ANXA8: variants seen among roughly 807,000 people sequenced by gnomAD.
ANXA8 encodes the protein annexin A8, also known as VAC-beta.
A neutral mutation model predicts 26.8 loss-of-function variants in ANXA8; 9 were observed. That is an observed-to-expected ratio of 0.34 (90% CI 0.20 to 0.59). The LOEUF (loss-of-function observed/expected upper bound fraction) is 0.59. Ranked by LOEUF, ANXA8 falls within the 20% of genes least tolerant of loss-of-function variation. ANXA8 has a pLI of 0.84. For missense variants in ANXA8, 83 were observed against 238.5 expected, an observed-to-expected ratio of 0.35 and a Z score of 4.29; for synonymous variants, 39 against 94.8, an observed-to-expected ratio of 0.41 and a Z score of 3.42.
the ANXA8 span, among the ~76,000 whole-genome samples, chr10:47,644,313 G>C: frequency 6.7e-6 from 1 of 150,184 alleles, no homozygotes; most frequent in Non-Finnish European, 1.5e-5. Context: ...CGCTAAATTT[G>C]TTTTTAGGCA....
the ANXA8 span, among the ~76,000 whole-genome samples, chr10:47,735,055 C>T: frequency 1.3e-5 from 2 of 148,532 alleles, no homozygotes; most frequent in African/African-American, 2.5e-5. Context: ...AAAAAAAAAA[C>T]GTTTTCCTTT....
the ANXA8 span, among the ~76,000 whole-genome samples, chr10:47,733,225 T>TTCTTTCTCTTTCTCTCTCTCTC: frequency 1.7e-5 from 1 of 58,370 alleles, no homozygotes; most frequent in African/African-American, 5.9e-5. Context: ...TTCTTTCTCT[T>TTCTTTCTCTTTCTCTCTCTCTC]TCTTTCTCTC....
chr10:47,669,398 C>CTTT, the ANXA8 span, among the ~76,000 whole-genome samples: 1 of 150,612 alleles, frequency 6.6e-6, no homozygotes, highest in Non-Finnish European at 1.5e-5. Context: ...TGCTTTCTAG[C>CTTT]TTTTAAGTTT....
the ANXA8 span, among the ~76,000 whole-genome samples, chr10:47,599,013 G>GA: frequency 3.5e-5 from 5 of 144,248 alleles, no homozygotes; most frequent in African/African-American, 7.8e-5. Context: ...ATACATGAAT[G>GA]AAAAATAGCT....
the ANXA8 span, among the ~76,000 whole-genome samples, chr10:47,771,620 C>A: frequency 6.7e-6 from 1 of 150,234 alleles, no homozygotes; most frequent in African/African-American, 2.5e-5. Flanking sequence ...TCTTGTTGCC[C>A]GGGCTGGAGT....
the ANXA8 span, among the ~76,000 whole-genome samples, chr10:47,731,057 CAT>C: frequency 6.6e-6 from 1 of 150,550 alleles, no homozygotes; most frequent in Admixed American, 6.6e-5. Flanking sequence ...TACCAGCAAA[CAT>C]GTAGCAATCT....
At chr10:47,952,715 G>T in the ANXA8 span, among the ~76,000 whole-genome samples, 1 of 147,402 alleles carries the variant, frequency 6.8e-6, no homozygotes, top group Non-Finnish European at 1.5e-5. Flanking sequence ...TGAATGTTGA[G>T]GACTTATCTA....
the ANXA8 span, among the ~76,000 whole-genome samples, chr10:47,556,663 T>C: frequency 6.6e-6 from 1 of 151,908 alleles, no homozygotes; most frequent in Non-Finnish European, 1.5e-5. Flanking sequence ...GATATACACT[T>C]AGAGAAGACT....
chr10:47,699,871 A>G, the ANXA8 span, among the ~76,000 whole-genome samples: 1 of 151,860 alleles, frequency 6.6e-6, no homozygotes, highest in Admixed American at 6.6e-5. Flanking sequence ...CAATATACAC[A>G]AATAACAAAC....
the ANXA8 span, among the ~76,000 whole-genome samples, chr10:47,659,262 T>C: frequency 1.3e-5 from 2 of 151,880 alleles, no homozygotes; most frequent in Non-Finnish European, 2.9e-5. Context: ...CACTGCATTT[T>C]TCAGTAATAT....
the ANXA8 span, among the ~76,000 whole-genome samples, chr10:47,535,077 C>G: frequency 1.7e-5 from 2 of 119,698 alleles, 1 homozygote; most frequent in Non-Finnish European, 3.3e-5. Flanking sequence ...CAGGTTCCAG[C>G]GATTCTCCGG....
At chr10:47,509,871 G>A in the ANXA8 span, among the ~76,000 whole-genome samples, 18 of 132,706 alleles carry the variant, frequency 1.4e-4, 1 homozygote, top group Non-Finnish European at 1.6e-5. Context: ...GAAAAACTAA[G>A]TTTCCACAAA....
chr10:47,483,119 T>C (rs1432411412), intron 1 of ANXA8, among the ~76,000 whole-genome samples: 9 of 151,610 alleles, frequency 5.9e-5, no homozygotes, highest in Non-Finnish European at 7.4e-5. Context: ...GGCTCAACCA[T>C]AGATGGAAAG....
the ANXA8 span, among the ~76,000 whole-genome samples, chr10:47,666,291 GT>G: frequency 6.7e-6 from 1 of 148,420 alleles, no homozygotes; most frequent in Non-Finnish European, 1.5e-5. Context: ...TCAAATAAAC[GT>G]TTCAAGATCA....
chr10:47,726,860 G>A, the ANXA8 span: 955 of 1,538,224 alleles, frequency 6.2e-4, no homozygotes, highest in East Asian at 3.6e-3. Flanking sequence ...AATGACTGCC[G>A]TTGATGGAAG....
chr10:47,619,805 G>C, the ANXA8 span, among the ~76,000 whole-genome samples: 55 of 109,304 alleles, frequency 5.0e-4, no homozygotes, highest in East Asian at 1.6e-3. Flanking sequence ...GGCAGGGGGA[G>C]CTAGAGACAC....
chr10:47,498,513 C>T, the ANXA8 span, among the ~76,000 whole-genome samples: 11 of 144,248 alleles, frequency 7.6e-5, no homozygotes, highest in South Asian at 2.2e-3. Flanking sequence ...GCTATATACC[C>T]AGAAGTGATA....
At chr10:47,733,243 CTTTCTTTCTTTCTTTCTTTCTT>C in the ANXA8 span, among the ~76,000 whole-genome samples, 1 of 77,696 alleles carries the variant, frequency 1.3e-5, no homozygotes, top group African/African-American at 5.3e-5. Flanking sequence ...CTCTTTCTTT[CTTTCTTTCTTTCTTTCTTTCTT>C]TCTTTCTTTC....
At chr10:47,559,260 G>C in the ANXA8 span, among the ~76,000 whole-genome samples, 1 of 148,594 alleles carries the variant, frequency 6.7e-6, no homozygotes, top group Non-Finnish European at 1.5e-5. Flanking sequence ...TGAGTAGCTA[G>C]GAAATACAGA....
Sources: allele counts gnomAD v4.1 joint callset (sites outside exome capture counted in the v4.1 genomes callset), GRCh38; gene constraint gnomAD v4.1.1; transcripts MANE v1.5; gene names NCBI Gene and HGNC (gene_info 2026-07-23, HGNC 2026-07-21).